Variants in RNF13 observed in about 807,000 individuals in gnomAD.
The protein encoded by RNF13 is ring finger protein 13, also known as E3 ubiquitin-protein ligase RNF13.
RNF13 carries 19 observed loss-of-function variants against 37.7 expected under a neutral mutation model. The observed-to-expected ratio is 0.50, with a 90% CI of 0.35 to 0.74. The LOEUF is 0.74. Among genes scored for constraint, RNF13 ranks in the 30% least tolerant of loss-of-function variants. The pLI is 0.01. For missense variants in RNF13, 375 were observed against 453.0 expected (o/e 0.83, Z 1.56); for synonymous variants, 144 against 157.8 (o/e 0.91, Z 0.65).
chr3:149,877,472 C>CTTTTTTTTTTTTTTTTTTTTTTGTT (rs369676407), intron 4 of RNF13, among the ~76,000 whole-genome samples: 15 of 101,486 alleles, frequency 1.5e-4, no homozygotes, highest in Non-Finnish European at 1.8e-4. Flanking sequence ...TTCTTTCTGT[C>CTTTTTTTTTTTTTTTTTTTTTTGTT]TTTTTTTTTT....
intron 7 of RNF13, 92 bp downstream of exon 7, chr3:149,912,175 A>T (rs1185127848): frequency 3.1e-6 from 2 of 644,176 alleles, no homozygotes; most frequent in Admixed American, 5.0e-5. Flanking sequence ...CAATGTGTAC[A>T]TAAAAGAGTA....
chr3:149,892,653 C>T (rs1016070680), intron 4 of RNF13, among the ~76,000 whole-genome samples: 1 of 152,094 alleles, frequency 6.6e-6, no homozygotes. Context: ...CTCGTAGGAG[C>T]GTGAACCCTA....
At chr3:149,896,769 G>A (rs1458473327) in intron 5 of RNF13, among the ~76,000 whole-genome samples, 2 of 152,090 alleles carry the variant, frequency 1.3e-5, no homozygotes, top group Non-Finnish European at 2.9e-5. Flanking sequence ...GTGGGCCACC[G>A]TGCCTGGGCA....
chr3:149,877,956 A>G (rs772969241), intron 4 of RNF13, among the ~76,000 whole-genome samples: 39 of 152,154 alleles, frequency 2.6e-4, no homozygotes, highest in Non-Finnish European at 1.9e-4. Context: ...AGGTTTCTTT[A>G]TACACAAATT....
intron 7 of RNF13, among the ~76,000 whole-genome samples, chr3:149,915,808 A>C (rs908889195): frequency 2.0e-5 from 3 of 152,156 alleles, no homozygotes; most frequent in African/African-American, 7.2e-5. Flanking sequence ...ATAGAGACAG[A>C]AACTAGAATG....
chr3:149,818,846 G>T (rs1719736822), intron 1 of RNF13, among the ~76,000 whole-genome samples: 2 of 152,180 alleles, frequency 1.3e-5, no homozygotes. Context: ...GGGAGGCGGA[G>T]GTTGCAGTGA....
chr3:149,859,383 G>A (rs543984481), intron 3 of RNF13, among the ~76,000 whole-genome samples: 1 of 152,120 alleles, frequency 6.6e-6, no homozygotes, highest in Non-Finnish European at 1.5e-5. Flanking sequence ...ATTTCAAAAA[G>A]TAATGGTTGC....
intron 7 of RNF13, among the ~76,000 whole-genome samples, chr3:149,916,216 C>T (rs938052486): frequency 4.8e-4 from 73 of 151,916 alleles, no homozygotes; most frequent in African/African-American, 1.8e-3. Flanking sequence ...CCAGTTCCTA[C>T]TAAAGTGTAT....
chr3:149,846,787 A>C (rs1011119029), intron 2 of RNF13, among the ~76,000 whole-genome samples: 51 of 152,190 alleles, frequency 3.4e-4, no homozygotes, highest in Middle Eastern at 3.2e-3. Flanking sequence ...TCTCTTAATG[A>C]CTGTAAGATC....
chr3:149,865,183 A>G (rs1308203073), intron 3 of RNF13, among the ~76,000 whole-genome samples: 2 of 151,806 alleles, frequency 1.3e-5, no homozygotes, highest in African/African-American at 2.4e-5. Flanking sequence ...GAAATAAAAA[A>G]AAATAAAAAC....
intron 3 of RNF13, among the ~76,000 whole-genome samples, chr3:149,867,272 T>C (rs925302264): frequency 6.6e-6 from 1 of 152,026 alleles, no homozygotes; most frequent in African/African-American, 2.4e-5. Flanking sequence ...TCTCTTTTTT[T>C]TTTCTTTTTT....
chr3:149,882,300 T>G (rs1713516000), intron 4 of RNF13, among the ~76,000 whole-genome samples: 2 of 143,380 alleles, frequency 1.4e-5, no homozygotes, highest in African/African-American at 2.6e-5. Context: ...GGGGAGGGGG[T>G]AGGAAGGAAC....
At chr3:149,861,817 A>G (rs1207949109) in intron 3 of RNF13, among the ~76,000 whole-genome samples, 3 of 152,172 alleles carry the variant, frequency 2.0e-5, no homozygotes, top group Admixed American at 2.0e-4. Context: ...GAAATGATAA[A>G]TACTCAAGGT....
chr3:149,814,204 T>C (rs909863379), intron 1 of RNF13: 3 of 152,220 alleles, frequency 2.0e-5, no homozygotes, highest in African/African-American at 7.2e-5. Context: ...AACTGATGCA[T>C]TCCTTTCAAC....
chr3:149,889,477 G>T (rs558977925), intron 4 of RNF13, among the ~76,000 whole-genome samples: 33 of 147,810 alleles, frequency 2.2e-4, no homozygotes, highest in African/African-American at 7.7e-4. Context: ...GCTAATTTTT[G>T]TATTTTTAGT....
At chr3:149,819,396 A>G (rs1559885093) in intron 1 of RNF13, among the ~76,000 whole-genome samples, 2 of 152,226 alleles carry the variant, frequency 1.3e-5, no homozygotes, top group African/African-American at 2.4e-5. Flanking sequence ...GTAAAGGAAA[A>G]ATAAGCCATA....
rs117402749 is a variant in RNF13, at chr3:149,874,785, C to G, written c.321+2631C>G. Among the ~76,000 whole-genome samples the G allele has an allele frequency of 3.3e-5, 5 of 152,150 alleles. No individual in the cohort carries two copies. The East Asian group carries it at 9.7e-4, about 29-fold the overall frequency. On this transcript the variant is annotated intron_variant, in intron 4 of 9. Transcript: ENST00000392894. Reference sequence around the variant, plus strand: ...TGGATCACCTATCAAGGTAGTGTGACTGGGTAAGGATAAAGTCATTATGGG... The same window carrying G: ...TGGATCACCTATCAAGGTAGTGTGAGTGGGTAAGGATAAAGTCATTATGGG...
At chr3:149,936,862 C>G (rs1030932979) in intron 8 of RNF13, among the ~76,000 whole-genome samples, 1 of 152,074 alleles carries the variant, frequency 6.6e-6, no homozygotes, top group Non-Finnish European at 1.5e-5. Context: ...TTTCAGGTGT[C>G]GTTTGTTGCA....
Position 149,884,720 on chromosome 3 carries a change from A to G in RNF13, c.322-10753A>G, listed in dbSNP as rs534501085. Among the ~76,000 whole-genome samples, 15 of 152,242 alleles carry G rather than the reference A, an allele frequency of 9.9e-5. No individual in the cohort carries two copies. The East Asian group carries it at 1.2e-3, about 12-fold the overall frequency. ...TCACATCATAGAAAATGGAGTATCT[A>G]TGACCTCGAGCATTTATCCTTTGTG... On this transcript the variant is annotated intron_variant, in intron 4 of 9. Coordinates refer to ENST00000392894, the MANE Select transcript of RNF13 (RefSeq NM_183381.3).
Sources: gnomAD v4.1 joint callset for allele counts (sites outside exome capture counted in the v4.1 genomes callset) on GRCh38, gnomAD v4.1.1 for gene constraint, MANE v1.5 for transcripts, NCBI Gene and HGNC (gene_info 2026-07-23, HGNC 2026-07-21) for gene names.